CNTN5: variants seen among roughly 807,000 people sequenced by gnomAD.
CNTN5 encodes contactin-5.
In CNTN5, 77 loss-of-function variants were observed where a neutral mutation model predicts 129.1. The observed-to-expected ratio is 0.60, with a 90% CI of 0.50 to 0.72. CNTN5 has a LOEUF of 0.72. Ranked by LOEUF, CNTN5 falls within the 30% of genes least tolerant of loss-of-function variation. The pLI is 0.00. For synonymous variants in CNTN5, 509 were observed against 465.6 expected, an observed-to-expected ratio of 1.09 and a Z score of -1.20; for missense variants, 1,478 against 1,328.8, an observed-to-expected ratio of 1.11 and a Z score of -1.75.
At chr11:100,112,659 G>C (rs59941743) in intron 13 of CNTN5, among the ~76,000 whole-genome samples, 3,301 of 152,170 alleles carry the variant, frequency 0.022, 123 homozygotes, top group African/African-American at 0.073. Flanking sequence ...ATAAAAATAT[G>C]AGAAGATAGA....
intron 24 of CNTN5, among the ~76,000 whole-genome samples, chr11:100,355,716 C>T (rs1207469071): frequency 6.6e-6 from 1 of 151,644 alleles, no homozygotes; most frequent in African/African-American, 2.4e-5. Context: ...CCATGGTGGA[C>T]TGAAATGTCA....
intron 13 of CNTN5, among the ~76,000 whole-genome samples, chr11:100,098,034 T>C (rs1027686451): frequency 2.0e-5 from 3 of 151,922 alleles, no homozygotes; most frequent in Non-Finnish European, 4.4e-5. Flanking sequence ...AGCTAGGTAA[T>C]AGGTTAGCTT....
At chr11:99,634,550 C>T (rs1030717266) in intron 3 of CNTN5, among the ~76,000 whole-genome samples, 4 of 152,142 alleles carry the variant, frequency 2.6e-5, no homozygotes, top group African/African-American at 9.7e-5. Flanking sequence ...GGCCCTGATA[C>T]TTAGTACTTG....
chr11:100,299,370 T>A lies in CNTN5; in HGVS notation c.2594T>A (p.Ile865Asn), dbSNP rs987109879. The change falls in exon 20 of 25, where the codon ATT becomes AAT. Residue 865 changes from isoleucine (I) to asparagine (N), a missense_variant. Transcript: ENST00000524871. ...NNKGDGPFSQ[I>N]VVICSAEGEP... ...AAAGGAGATGGGCCTTTTAGTCAAA[T>A]TGTGGTCATCTGTTCAGCTGAAGGA... 6.2e-7 allele frequency: 1 copy of A among 1,608,838 alleles called. No individual in the cohort carries two copies. Among genetic ancestry groups the A allele is most frequent in the African/African-American group, 1.3e-5 (1 of 74,578 alleles).
intron 1 of CNTN5, among the ~76,000 whole-genome samples, chr11:99,049,319 G>C (rs1304440446): frequency 6.6e-6 from 1 of 152,074 alleles, no homozygotes; most frequent in Non-Finnish European, 1.5e-5. Flanking sequence ...AGATAAAACA[G>C]AAAAGTAAAT....
intron 3 of CNTN5, among the ~76,000 whole-genome samples, chr11:99,708,137 A>G (rs1007882340): frequency 6.6e-6 from 1 of 151,722 alleles, no homozygotes; most frequent in Non-Finnish European, 1.5e-5. Flanking sequence ...ACTATTCTTG[A>G]TGATGATCTT....
At chr11:100,076,987 T>C (rs1944156603) in intron 13 of CNTN5, among the ~76,000 whole-genome samples, 1 of 152,098 alleles carries the variant, frequency 6.6e-6, no homozygotes, top group Non-Finnish European at 1.5e-5. Flanking sequence ...TTCCATAATA[T>C]AAGAAGACAC....
chr11:99,577,553 T>A (rs913756430), intron 3 of CNTN5, among the ~76,000 whole-genome samples: 1 of 152,180 alleles, frequency 6.6e-6, no homozygotes, highest in Non-Finnish European at 1.5e-5. Flanking sequence ...TGCTGTAGGA[T>A]GTCATGATTT....
At chr11:99,099,280 TA>T (rs976139233) in intron 1 of CNTN5, among the ~76,000 whole-genome samples, 26 of 152,216 alleles carry the variant, frequency 1.7e-4, no homozygotes, top group African/African-American at 6.0e-4. Flanking sequence ...AGTATAAAAG[TA>T]AATTCTGCTA....
intron 8 of CNTN5, among the ~76,000 whole-genome samples, chr11:99,958,768 T>A (rs1565721939): frequency 6.6e-6 from 1 of 152,226 alleles, no homozygotes; most frequent in Non-Finnish European, 1.5e-5. Context: ...TCTTAAGACG[T>A]TATTGCATTC....
intron 21 of CNTN5, among the ~76,000 whole-genome samples, chr11:100,310,941 G>T (rs1236336015): frequency 6.6e-6 from 1 of 151,906 alleles, no homozygotes; most frequent in African/African-American, 2.4e-5. Context: ...CAAGGAACAG[G>T]TTTCTGGGGC....
intron 3 of CNTN5, among the ~76,000 whole-genome samples, chr11:99,769,311 G>A (rs921795071): frequency 6.6e-6 from 1 of 152,078 alleles, no homozygotes; most frequent in Non-Finnish European, 1.5e-5. Context: ...TCCTAGTTTA[G>A]TAAGAAAGAT....
intron 3 of CNTN5, among the ~76,000 whole-genome samples, chr11:99,801,175 A>T (rs530708757): frequency 1.3e-5 from 2 of 152,276 alleles, no homozygotes; most frequent in African/African-American, 4.8e-5. Context: ...AGATTTTATT[A>T]TGTTTCATGT....
chr11:99,024,975 C>T (rs73550152), intron 1 of CNTN5, among the ~76,000 whole-genome samples: 1,645 of 151,916 alleles, frequency 0.011, 30 homozygotes, highest in African/African-American at 0.037. Flanking sequence ...TTTTAAAACA[C>T]GGGTGTAAAG....
chr11:100,000,588 T>C (rs1378078723), intron 8 of CNTN5, among the ~76,000 whole-genome samples: 2 of 152,102 alleles, frequency 1.3e-5, no homozygotes, highest in African/African-American at 4.8e-5. Context: ...CATTCTGGGG[T>C]CTGGAGGATG....
intron 8 of CNTN5, among the ~76,000 whole-genome samples, chr11:99,974,623 A>G (rs1257503680): frequency 6.6e-6 from 1 of 152,198 alleles, no homozygotes; most frequent in Non-Finnish European, 1.5e-5. Flanking sequence ...GGAAGACTAT[A>G]TGGAGCAACC....
intron 3 of CNTN5, among the ~76,000 whole-genome samples, chr11:99,622,516 C>A (rs1212750652): frequency 6.6e-6 from 1 of 152,034 alleles, no homozygotes; most frequent in Non-Finnish European, 1.5e-5. Flanking sequence ...ATAGAGACTG[C>A]ATTTTAAAGT....
chr11:99,458,406 C>A (rs998547230), intron 2 of CNTN5, among the ~76,000 whole-genome samples: 1 of 151,834 alleles, frequency 6.6e-6, no homozygotes, highest in Non-Finnish European at 1.5e-5. Context: ...AGGGCTCACA[C>A]ATGAGAATTG....
intron 2 of CNTN5, among the ~76,000 whole-genome samples, chr11:99,361,121 C>A (rs979745291): frequency 2.6e-5 from 4 of 152,126 alleles, no homozygotes; most frequent in Admixed American, 2.6e-4. Flanking sequence ...TTATCTGAGA[C>A]CTCATCAAAA....
Sources: allele counts gnomAD v4.1 joint callset (sites outside exome capture counted in the v4.1 genomes callset), GRCh38; gene constraint gnomAD v4.1.1; transcripts MANE v1.5; gene names NCBI Gene and HGNC (gene_info 2026-07-23, HGNC 2026-07-21).